DSCAM: variants seen among roughly 807,000 people sequenced by gnomAD.
The protein encoded by DSCAM is cell adhesion molecule DSCAM.
Under a neutral mutation model 217.7 loss-of-function variants are expected in DSCAM, and 47 were observed. That is an observed-to-expected ratio of 0.22 (90% CI 0.17 to 0.28). DSCAM has a LOEUF of 0.28. DSCAM is among the 10% of genes least tolerant of loss of function. DSCAM has a pLI of 1.00. For missense variants in DSCAM, 2,080 were observed against 2,618.3 expected (o/e 0.79, Z 4.49); for synonymous variants, 1,056 against 1,015.3 (o/e 1.04, Z -0.76).
At chr21:40,022,780 C>T (rs987235303) in intron 32 of DSCAM, among the ~76,000 whole-genome samples, 82 of 149,050 alleles carry the variant, frequency 5.5e-4, no homozygotes, top group African/African-American at 2.0e-3. Flanking sequence ...ACAATACATT[C>T]TTTTTTTTTT....
chr21:40,339,710 C>A (rs2123593665), intron 6 of DSCAM, among the ~76,000 whole-genome samples: 1 of 40,654 alleles, frequency 2.5e-5, no homozygotes, highest in Admixed American at 3.0e-4. Context: ...CCTAAGAAGT[C>A]CTTAATTTAA....
At chr21:40,594,902 T>C (rs1230305027) in intron 3 of DSCAM, among the ~76,000 whole-genome samples, 1 of 152,126 alleles carries the variant, frequency 6.6e-6, no homozygotes, top group African/African-American at 2.4e-5. Flanking sequence ...TGTTTCATGC[T>C]CTTGAGCCCA....
intron 3 of DSCAM, among the ~76,000 whole-genome samples, chr21:40,517,404 A>AACACACACACAC (rs3070750): frequency 0.029 from 4,236 of 144,730 alleles, 71 homozygotes; most frequent in South Asian, 0.043. Context: ...ACACACAAGC[A>AACACACACACAC]ACACACACAC....
At chr21:40,612,203 C>T (rs1472304263) in intron 3 of DSCAM, among the ~76,000 whole-genome samples, 1 of 152,200 alleles carries the variant, frequency 6.6e-6, no homozygotes, top group Admixed American at 6.5e-5. Flanking sequence ...CTTTGCTGCT[C>T]TGCTCATTGA....
At chr21:40,525,880 A>C (rs913132074) in intron 3 of DSCAM, among the ~76,000 whole-genome samples, 1 of 152,138 alleles carries the variant, frequency 6.6e-6, no homozygotes, top group African/African-American at 2.4e-5. Flanking sequence ...AACAAGACAG[A>C]GCATGAACAG....
intron 11 of DSCAM, among the ~76,000 whole-genome samples, chr21:40,266,911 A>C (rs1311802051): frequency 1.3e-5 from 2 of 150,616 alleles, no homozygotes; most frequent in African/African-American, 2.4e-5. Context: ...ATTCTAAGTG[A>C]AGTAATTCAG....
At chr21:40,720,948 G>A (rs769222458) in intron 1 of DSCAM, among the ~76,000 whole-genome samples, 8 of 152,192 alleles carry the variant, frequency 5.3e-5, no homozygotes, top group South Asian at 2.1e-4. Context: ...ATTTGCATGC[G>A]TGTAAGAAAA....
At chr21:40,384,807 T>C (rs1232143736) in intron 3 of DSCAM, 1 of 152,188 alleles carries the variant, frequency 6.6e-6, no homozygotes, top group Non-Finnish European at 1.5e-5. Flanking sequence ...TCACTCCCCA[T>C]GTCCTTCTCT....
chr21:40,015,537 C>CT (rs2088142569), intron 32 of DSCAM, among the ~76,000 whole-genome samples: 1 of 152,020 alleles, frequency 6.6e-6, no homozygotes, highest in African/African-American at 2.4e-5. Flanking sequence ...TCAAGCAAAC[C>CT]TTCCACCTCA....
intron 3 of DSCAM, among the ~76,000 whole-genome samples, chr21:40,679,670 A>G (rs2090378796): frequency 6.6e-6 from 1 of 152,362 alleles, no homozygotes; most frequent in South Asian, 2.1e-4. Context: ...GCAAAATATA[A>G]GATCCTTTCA....
intron 1 of DSCAM, among the ~76,000 whole-genome samples, 200 bp downstream of exon 1, chr21:40,846,419 C>A (rs970822532): frequency 6.6e-6 from 1 of 151,928 alleles, no homozygotes; most frequent in South Asian, 2.1e-4. Flanking sequence ...CAATTTCTCC[C>A]GGGCCTCTCC....
chr21:40,283,075 T>C (rs577355777), intron 10 of DSCAM, among the ~76,000 whole-genome samples: 1 of 152,370 alleles, frequency 6.6e-6, no homozygotes, highest in South Asian at 2.1e-4. Context: ...CTGATTCATC[T>C]ACTATGAGGA....
intron 3 of DSCAM, among the ~76,000 whole-genome samples, chr21:40,577,065 G>C (rs1019239513): frequency 2.6e-5 from 4 of 151,034 alleles, no homozygotes; most frequent in African/African-American, 9.7e-5. Flanking sequence ...AATTCTATGT[G>C]AATTTATATA....
At chr21:40,410,779 A>C (rs1441991687) in intron 3 of DSCAM, among the ~76,000 whole-genome samples, 1 of 152,092 alleles carries the variant, frequency 6.6e-6, no homozygotes, top group Non-Finnish European at 1.5e-5. Flanking sequence ...AAATTCAAAA[A>C]AGTAAGTAAA....
At chr21:40,456,673 TTATTGTGAATACACAATACA>T in intron 3 of DSCAM, among the ~76,000 whole-genome samples, 1 of 68,226 alleles carries the variant, frequency 1.5e-5, no homozygotes, top group Non-Finnish European at 3.6e-5. Context: ...AATACAAAAA[TTATTGTGAATACACAATACA>T]AAAATTATTG....
chr21:40,323,031 A>G (rs1475671289), intron 8 of DSCAM, among the ~76,000 whole-genome samples: 1 of 152,050 alleles, frequency 6.6e-6, no homozygotes, highest in Non-Finnish European at 1.5e-5. Flanking sequence ...GGCCCACTTC[A>G]CCCAAGGACA....
chr21:40,055,878 T>G, intron 28 of DSCAM, 38 bp from the exon 29 acceptor site: 1 of 1,507,284 alleles, frequency 6.6e-7, no homozygotes, highest in Non-Finnish European at 9.2e-7. Flanking sequence ...ACAAATCCAG[T>G]TCAGTGTTAA....
intron 3 of DSCAM, among the ~76,000 whole-genome samples, chr21:40,581,865 TA>T (rs1053534932): frequency 1.3e-5 from 2 of 152,030 alleles, no homozygotes; most frequent in Non-Finnish European, 2.9e-5. Context: ...TTTTTCCTTG[TA>T]AAAAAAATTA....
chr21:40,043,776 T>A (rs1477831966), intron 31 of DSCAM, among the ~76,000 whole-genome samples: 1 of 152,172 alleles, frequency 6.6e-6, no homozygotes, highest in Non-Finnish European at 1.5e-5. Flanking sequence ...GGTGAAAATT[T>A]AAAAATGTCT....
Sources: gnomAD v4.1 joint callset for allele counts (sites outside exome capture counted in the v4.1 genomes callset) on GRCh38, gnomAD v4.1.1 for gene constraint, MANE v1.5 for transcripts, NCBI Gene and HGNC (gene_info 2026-07-23, HGNC 2026-07-21) for gene names.